Variants in FBXO38 observed in about 807,000 individuals in gnomAD.
The protein encoded by FBXO38 is F-box protein 38, also known as F-box only protein 38.
A neutral mutation model predicts 131.9 loss-of-function variants in FBXO38; 53 were observed. The observed-to-expected ratio is 0.40, with a 90% CI of 0.32 to 0.51. FBXO38 has a LOEUF of 0.51. Ranked by LOEUF, FBXO38 falls within the 20% of genes least tolerant of loss-of-function variation. FBXO38 has a pLI of 0.53. For missense variants in FBXO38, 1,076 were observed against 1,475.6 expected (o/e 0.73, Z 4.44); for synonymous variants, 452 against 505.6 (o/e 0.89, Z 1.42).
intron 1 of FBXO38, among the ~76,000 whole-genome samples, chr5:148,391,727 T>C (rs909609949): frequency 6.6e-6 from 1 of 152,206 alleles, no homozygotes; most frequent in Non-Finnish European, 1.5e-5. Context: ...TTTGTTTTGC[T>C]TGGCCATGTA....
chr5:148,402,187 GAAATAATAGACCAAA>G, intron 4 of FBXO38, 42 bp downstream of exon 4: 1 of 1,583,238 alleles, frequency 6.3e-7, no homozygotes, highest in Non-Finnish European at 8.6e-7. Context: ...AACTGTTTAT[GAAATAATAGACCAAA>G]GAATGATAGA....
chr5:148,394,124 G>C (rs1758354365), intron 1 of FBXO38, among the ~76,000 whole-genome samples: 2 of 152,148 alleles, frequency 1.3e-5, no homozygotes, highest in African/African-American at 4.8e-5. Context: ...ATATAAGCTT[G>C]TGTTTATTTT....
intron 12 of FBXO38, among the ~76,000 whole-genome samples, chr5:148,423,418 G>T (rs1302227281): frequency 2.0e-5 from 3 of 152,146 alleles, no homozygotes; most frequent in Non-Finnish European, 4.4e-5. Context: ...TTAGCATAGA[G>T]CCTGCCATAG....
intron 12 of FBXO38, among the ~76,000 whole-genome samples, chr5:148,419,962 A>T (rs986199449): frequency 3.9e-5 from 6 of 151,902 alleles, no homozygotes; most frequent in Admixed American, 3.3e-4. Context: ...TACTATATTT[A>T]TCAAAATTTT....
chr5:148,410,348 G>T, intron 8 of FBXO38: 1 of 383,836 alleles, frequency 2.6e-6, no homozygotes, highest in Non-Finnish European at 4.7e-6. Context: ...TTTAAAAATG[G>T]GAGTGTCCCT....
intron 17 of FBXO38, 32 bp from the exon 18 acceptor site, chr5:148,438,300 G>A: frequency 6.2e-7 from 1 of 1,609,822 alleles, no homozygotes; most frequent in African/African-American, 1.3e-5. Context: ...AAGATGATAT[G>A]TACGGAGCTT....
chr5:148,402,261 A>T, intron 4 of FBXO38, 87 bp from the exon 5 acceptor site: 1 of 1,541,128 alleles, frequency 6.5e-7, no homozygotes, highest in Non-Finnish European at 8.8e-7. Context: ...TTTAAGTTCC[A>T]TTGTGTACTT....
intron 6 of FBXO38, among the ~76,000 whole-genome samples, chr5:148,405,410 G>C (rs1319589710): frequency 2.6e-5 from 4 of 151,734 alleles, no homozygotes; most frequent in African/African-American, 9.7e-5. Flanking sequence ...TTCCAATGTG[G>C]CCCAAGGCAA....
intron 7 of FBXO38, among the ~76,000 whole-genome samples, chr5:148,408,417 T>C (rs1752558496): frequency 6.6e-6 from 1 of 152,216 alleles, no homozygotes; most frequent in Admixed American, 6.5e-5. Context: ...CAAAAGACAT[T>C]TTTAAGATTG....
At position 148,442,200 on chromosome 5, in the gene FBXO38, A is replaced by G. The variant is rs919345966; in HGVS notation, c.*53A>G. ...TGTCAGAAAGCAAGTAGGGCCATCC[A>G]GCTGCCAGAGTGCTCCACAGGGACT... is the stretch of plus-strand genomic sequence containing the variant. On this transcript the variant is annotated 3_prime_UTR_variant, in exon 22 of 22. Coordinates refer to ENST00000340253, the MANE Select transcript of FBXO38 (RefSeq NM_205836.3). The G allele has an allele frequency of 1.1e-5, 17 of 1,558,234 alleles. No individual in the cohort carries two copies. Among genetic ancestry groups the G allele is most frequent in the Non-Finnish European group, 1.4e-5 (16 of 1,137,730 alleles).
intron 14 of FBXO38, among the ~76,000 whole-genome samples, chr5:148,426,014 G>A (rs1426564536): frequency 6.6e-6 from 1 of 152,164 alleles, no homozygotes; most frequent in African/African-American, 2.4e-5. Flanking sequence ...AGGGATGACT[G>A]CTGAGTCATC....
intron 1 of FBXO38, among the ~76,000 whole-genome samples, chr5:148,386,423 G>T (rs1561506914): frequency 6.6e-6 from 1 of 152,072 alleles, no homozygotes; most frequent in African/African-American, 2.4e-5. Context: ...GAGCTTCGAT[G>T]TCTGTGAATA....
chr5:148,389,123 C>T (rs138692243), intron 1 of FBXO38, among the ~76,000 whole-genome samples: 24 of 152,284 alleles, frequency 1.6e-4, no homozygotes, highest in Non-Finnish European at 3.1e-4. Flanking sequence ...GTTAGAACGA[C>T]ACCATATTTA....
At chr5:148,416,109 G>A in intron 11 of FBXO38, 39 bp downstream of exon 11, 1 of 1,475,140 alleles carries the variant, frequency 6.8e-7, no homozygotes, top group Non-Finnish European at 9.0e-7. Flanking sequence ...TATTTTGATA[G>A]GAAAGAAAAT....
At chr5:148,417,306 C>T (rs1426343652) in intron 12 of FBXO38, 102 bp downstream of exon 12, 1 of 840,952 alleles carries the variant, frequency 1.2e-6, no homozygotes. Context: ...CAACTTGTCA[C>T]TTTCCACATT....
intron 17 of FBXO38, among the ~76,000 whole-genome samples, chr5:148,437,478 A>C (rs1252603097): frequency 1.3e-5 from 2 of 152,206 alleles, no homozygotes; most frequent in Non-Finnish European, 2.9e-5. Context: ...TAGATTGCAC[A>C]AGACGATGAT....
chr5:148,392,581 T>TTGTGTGTGTGTGTGTGTGTGTG (rs55667300), intron 1 of FBXO38, among the ~76,000 whole-genome samples: 1 of 141,856 alleles, frequency 7.0e-6, no homozygotes, highest in East Asian at 2.1e-4. Flanking sequence ...TTGCTTTTCT[T>TTGTGTGTGTGTGTGTGTGTGTG]TGTGTGTGTG....
intron 9 of FBXO38, among the ~76,000 whole-genome samples, chr5:148,411,415 T>A (rs1207262133): frequency 6.6e-6 from 1 of 152,202 alleles, no homozygotes; most frequent in Non-Finnish European, 1.5e-5. Context: ...CCAACATGCT[T>A]TTATTTATTC....
chr5:148,431,489 A>G (rs947559168), intron 15 of FBXO38, among the ~76,000 whole-genome samples: 25 of 152,210 alleles, frequency 1.6e-4, no homozygotes, highest in African/African-American at 5.5e-4. Flanking sequence ...AGGGGAAGGG[A>G]GAGAGCAATC....
Sources: gnomAD v4.1 joint callset for allele counts (sites outside exome capture counted in the v4.1 genomes callset) on GRCh38, gnomAD v4.1.1 for gene constraint, MANE v1.5 for transcripts, NCBI Gene and HGNC (gene_info 2026-07-23, HGNC 2026-07-21) for gene names.